Variants in STARD9 observed in about 807,000 individuals in gnomAD.
STARD9 encodes stAR-related lipid transfer protein 9.
In STARD9, 346 loss-of-function variants were observed where a neutral mutation model predicts 399.8. That is an observed-to-expected ratio of 0.87 (90% CI 0.79 to 0.95). The LOEUF (loss-of-function observed/expected upper bound fraction) is 0.95, where lower values mean the gene tolerates loss of function less well. Among genes scored for constraint, STARD9 ranks in the 40% least tolerant of loss-of-function variants. The pLI, the probability that STARD9 is intolerant of heterozygous loss-of-function variation, is 0.00. For missense variants in STARD9, 5,832 were observed against 5,667.5 expected (o/e 1.03, Z -0.93); for synonymous variants, 2,203 against 2,143.5 (o/e 1.03, Z -0.77).
At chr15:42,656,509 T>C (rs2059876576) in intron 9 of STARD9, among the ~76,000 whole-genome samples, 1 of 152,126 alleles carries the variant, frequency 6.6e-6, no homozygotes. Context: ...GAAGTCGTTA[T>C]ATGAAAAAGA....
In STARD9 at chr15:42,669,147, T is replaced by C; in HGVS notation, c.1318-11T>C. ...GCTGAGTGTCTCAGATCACCTCCTATACCTCTGCAGATAGACCAGCTGACT... is the reference window on the plus strand; with the variant it reads ...GCTGAGTGTCTCAGATCACCTCCTACACCTCTGCAGATAGACCAGCTGACT... On this transcript the variant is annotated splice_polypyrimidine_tract_variant and intron_variant, in intron 15 of 32. Transcript: ENST00000290607. 6.6e-7 allele frequency: 1 copy of C among 1,526,472 alleles called. No homozygotes were observed. Among genetic ancestry groups the C allele is most frequent in the Non-Finnish European group, 8.8e-7 (1 of 1,138,008 alleles). 94.6% of individuals were successfully genotyped at this position (1,526,472 alleles called of 1,614,324 possible). A position where few individuals can be genotyped will look rare whatever the true frequency, so the allele number is the denominator to read the frequency against.
chr15:42,665,912 A>C, intron 15 of STARD9, 64 bp downstream of exon 15: 1 of 1,390,482 alleles, frequency 7.2e-7, no homozygotes, highest in South Asian at 1.2e-5. Flanking sequence ...ATTATTCCGG[A>C]GCTAGGTAGG....
Position 42,692,493 on chromosome 15 carries a change from G to A in STARD9, c.10915G>A (p.Glu3639Lys), listed in dbSNP as rs762298947. ...PVGQTRTNTF[E>K]QGTQTLGSRR... Reference sequence around the variant, plus strand: ...GGGACAGACCAGGACGAACACATTCGAACAGGGCACACAGACCCTCGGCAG... The same window carrying A: ...GGGACAGACCAGGACGAACACATTCAAACAGGGCACACAGACCCTCGGCAG... The change falls in exon 23 of 33, where the codon GAA becomes AAA. Residue 3639 changes from glutamate to lysine, a missense_variant. Coordinates refer to ENST00000290607, the MANE Select transcript of STARD9 (RefSeq NM_020759.3). 1.4e-5 allele frequency: 21 copies of A among 1,537,008 alleles called. No homozygotes were observed. Among genetic ancestry groups the A allele is most frequent in the South Asian group, 1.3e-4 (11 of 84,064 alleles).
intron 26 of STARD9, among the ~76,000 whole-genome samples, chr15:42,716,085 C>T (rs2061343913): frequency 6.6e-6 from 1 of 152,046 alleles, no homozygotes; most frequent in African/African-American, 2.4e-5. Context: ...TGGTGGGTGC[C>T]TGTGAGTTCC....
At position 42,719,519 on chromosome 15, in the gene STARD9, T is replaced by G; in HGVS notation, c.14048T>G (p.Phe4683Cys). The G allele has an allele frequency of 1.3e-6, 2 of 1,537,248 alleles. No homozygotes were observed. The highest frequency in any genetic ancestry group is 1.7e-6 in the Non-Finnish European group (2 of 1,146,894). The part of the protein sequence containing the change: ...PGFPPQLLSS[F>C]IKRQPLVIAR... ...TTCCCACCTCAGCTCCTGAGCTCTT[T>G]CATCAAACGGCAGCCACTGGTTATA... The change falls in exon 33 of 33, where the codon TTC (phenylalanine) becomes TGC (cysteine). Residue 4683 changes from phenylalanine to cysteine, a missense_variant. Around this residue, in one of 2 missense-constraint regions of STARD9, gnomAD observed 5,828 missense variants for 5,651.1 expected, o/e 1.03. Coordinates refer to ENST00000290607, the MANE Select transcript of STARD9 (RefSeq NM_020759.3).
intron 3 of STARD9, among the ~76,000 whole-genome samples, chr15:42,623,288 C>T (rs1008360739): frequency 2.6e-5 from 4 of 152,096 alleles, no homozygotes; most frequent in Admixed American, 2.6e-4. Flanking sequence ...GCCAACACTG[C>T]TATGAATATT....
At chr15:42,713,532 T>A (rs2061290924) in intron 26 of STARD9, among the ~76,000 whole-genome samples, 1 of 152,196 alleles carries the variant, frequency 6.6e-6, no homozygotes, top group Admixed American at 6.5e-5. Flanking sequence ...TGTGCATGTT[T>A]TATAGCTGAC....
rs893422455 is a variant in STARD9 at position 42,634,885 on chromosome 15, G to C, written c.264G>C (p.Leu88=). 2 of 1,536,136 alleles carry C rather than the reference G, an allele frequency of 1.3e-6. No individual in the cohort carries two copies. The highest frequency in any genetic ancestry group is 1.7e-6 in the Non-Finnish European group (2 of 1,146,262). ...TCCAGGATTTAGGGATGGAAGTACT[G>C]TCTGGAGTTGCCAAAGGCTATAACA... The part of the protein sequence containing the change: ...VVFQDLGMEV[L]SGVAKGYNIC... The change falls in exon 4 of 33, where the codon CTG becomes CTC. Residue 88 remains leucine, a synonymous_variant. Coordinates refer to ENST00000290607, the MANE Select transcript of STARD9 (RefSeq NM_020759.3).
chr15:42,688,823 C>T lies in STARD9; in HGVS notation c.7245C>T (p.Ala2415=), dbSNP rs1409171303. Reference sequence around the variant, plus strand: ...GGTGTGGGTCTGTGCGATCCATGGCCATGGGATCTCATAGTCAATCTGGTG... The same window carrying T: ...GGTGTGGGTCTGTGCGATCCATGGCTATGGGATCTCATAGTCAATCTGGTG... The part of the protein sequence containing the change: ...TAWCGSVRSM[A]MGSHSQSGVP... Residue 2415 remains alanine (A), a synonymous_variant, in exon 23 of 33, where the codon GCC becomes GCT. Transcript: ENST00000290607. 8 of 1,537,298 alleles carry T rather than the reference C, an allele frequency of 5.2e-6. No individual in the cohort carries two copies. Among genetic ancestry groups the T allele is most frequent in the Admixed American group, 3.9e-5 (2 of 50,994 alleles).
At chr15:42,642,089 C>T (rs1421635044) in intron 7 of STARD9, among the ~76,000 whole-genome samples, 1 of 152,048 alleles carries the variant, frequency 6.6e-6, no homozygotes, top group African/African-American at 2.4e-5. Flanking sequence ...TCTGCCTGTC[C>T]ATCTGTCTTA....
chr15:42,691,332 G>A lies in STARD9; in HGVS notation c.9754G>A (p.Val3252Met). ...CQILDAGREE[V>M]AVAKPPVSKI... ...GATTTTAGATGCTGGGAGAGAGGAGGTGGCTGTGGCCAAGCCTCCTGTGTC... is the reference window on the plus strand; with the variant it reads ...GATTTTAGATGCTGGGAGAGAGGAGATGGCTGTGGCCAAGCCTCCTGTGTC... The change falls in exon 23 of 33, where the codon GTG (valine) becomes ATG (methionine). Residue 3252 changes from valine (V) to methionine (M), a missense_variant. Physicochemically the swap from Val to Met is conservative, Grantham distance 21. Transcript: ENST00000290607. 6.5e-7 allele frequency: 1 copy of A among 1,537,222 alleles called. No individual in the cohort carries two copies. Among genetic ancestry groups the A allele is most frequent in the Non-Finnish European group, 8.7e-7 (1 of 1,146,910 alleles).
At position 42,637,911 on chromosome 15, in the gene STARD9, C is replaced by G. The variant is rs1285457038; in HGVS notation, c.356C>G (p.Ser119Cys). 5 of 1,537,264 alleles carry G rather than the reference C, an allele frequency of 3.3e-6. No individual in the cohort carries two copies. The highest frequency in any genetic ancestry group is 4.4e-6 in the Non-Finnish European group (5 of 1,146,902). Residue 119 changes from serine (S) to cysteine (C), a missense_variant, in exon 5 of 33, where the codon TCT becomes TGT. Transcript: ENST00000290607. ...TTCCTTTCTTCTGTTCACCAGGCCT[C>G]TGTTGGGTTGACACCACGGATATGT... ...KTYTMLGTPA[S>C]VGLTPRICEG...
intron 9 of STARD9, among the ~76,000 whole-genome samples, chr15:42,660,587 A>C (rs1320465065): frequency 2.0e-5 from 3 of 151,594 alleles, no homozygotes; most frequent in Non-Finnish European, 4.4e-5. Flanking sequence ...AGACAAACAA[A>C]AAAAAAAAAA....
chr15:42,631,215 T>C (rs1220113405), intron 3 of STARD9, among the ~76,000 whole-genome samples: 1 of 152,184 alleles, frequency 6.6e-6, no homozygotes, highest in Non-Finnish European at 1.5e-5. Context: ...TAGATGCTTA[T>C]TGCTGTAAAC....
At position 42,689,480 on chromosome 15, in the gene STARD9, G is replaced by A. The variant is rs2060639339; in HGVS notation, c.7902G>A (p.Glu2634=). The change falls in exon 23 of 33, where the codon GAG becomes GAA. Residue 2634 remains glutamate, a synonymous_variant. Coordinates refer to ENST00000290607, the MANE Select transcript of STARD9 (RefSeq NM_020759.3). ...EAGQIDLLPD[E]RKVQATSLSA... ...GGCAGATAGATCTGTTACCTGATGA[G>A]AGGAAAGTCCAGGCCACATCTCTGT... 6.5e-7 allele frequency: 1 copy of A among 1,537,316 alleles called. No homozygotes were observed. Among genetic ancestry groups the A allele is most frequent in the East Asian group, 2.4e-5 (1 of 40,916 alleles).
In STARD9 at chr15:42,674,060, G is replaced by A. The variant is rs1317572166; in HGVS notation, c.1498-380G>A. ...ACCACATCAACCTTTGCCCCTTAGG[G>A]AAAAGCCATACTTTTGCATGTACTT... On this transcript the variant is annotated intron_variant, in intron 16 of 32. Coordinates refer to ENST00000290607, the MANE Select transcript of STARD9 (RefSeq NM_020759.3). 1.6e-5 allele frequency: 7 copies of A among 445,782 alleles called. No individual in the cohort carries two copies. In the East Asian group the frequency reaches 4.8e-4, roughly 31 times the overall value. 27.6% of individuals were successfully genotyped at this position (445,782 alleles called of 1,614,324 possible). A position where few individuals can be genotyped will look rare whatever the true frequency, so the allele number is the denominator to read the frequency against.
chr15:42,637,801 G>A, intron 4 of STARD9, 106 bp from the exon 5 acceptor site: 1 of 1,155,628 alleles, frequency 8.7e-7, no homozygotes, highest in Non-Finnish European at 1.2e-6. Flanking sequence ...CTAGCACAAG[G>A]AGTCCATGCA....
At chr15:42,706,991 G>A (rs2061102378) in intron 26 of STARD9, among the ~76,000 whole-genome samples, 1 of 151,854 alleles carries the variant, frequency 6.6e-6, no homozygotes. Flanking sequence ...TAATGTGTTG[G>A]AGTCCAGTTA....
chr15:42,685,909 G>A lies in STARD9; in HGVS notation c.4331G>A (p.Cys1444Tyr). ...PGADGTFQGR[C>Y]IPDMTQQGSS... ...GCTGATGGCACCTTTCAGGGCAGAT[G>A]TATCCCTGACATGACCCAGCAGGGC... is the stretch of plus-strand genomic sequence containing the variant. The change falls in exon 23 of 33, where the codon TGT becomes TAT. Residue 1444 changes from cysteine (C) to tyrosine (Y), a missense_variant. Transcript: ENST00000290607. 6.5e-7 allele frequency: 1 copy of A among 1,537,184 alleles called. No individual in the cohort carries two copies. Among genetic ancestry groups the A allele is most frequent in the African/African-American group, 1.4e-5 (1 of 73,174 alleles).
Sources: allele counts gnomAD v4.1 joint callset (sites outside exome capture counted in the v4.1 genomes callset), GRCh38; gene constraint gnomAD v4.1.1; regional missense constraint gnomAD v4.1.1; transcripts MANE v1.5; gene names NCBI Gene and HGNC (gene_info 2026-07-23, HGNC 2026-07-21).